Variants in BCR observed in about 807,000 individuals in gnomAD.
BCR encodes breakpoint cluster region protein.
BCR carries 58 observed loss-of-function variants against 138.6 expected under a neutral mutation model. The observed-to-expected ratio is 0.42, with a 90% CI of 0.34 to 0.52. The LOEUF (loss-of-function observed/expected upper bound fraction) is 0.52. BCR is among the 20% of genes least tolerant of loss of function. The pLI is 0.06. For synonymous variants in BCR, 786 were observed against 730.1 expected (o/e 1.08, Z -1.23); for missense variants, 1,599 against 1,727.2 (o/e 0.93, Z 1.32).
chr22:23,315,324 G>A, intron 22 of BCR, 109 bp from the exon 23 acceptor site: 2 of 976,618 alleles, frequency 2.0e-6, no homozygotes, highest in South Asian at 2.7e-5. Context: ...ACCAGCAGGG[G>A]TCCCCAGCAC....
At chr22:23,205,812 G>A (rs117684625) in intron 1 of BCR, among the ~76,000 whole-genome samples, 1,817 of 152,242 alleles carry the variant, frequency 0.012, 17 homozygotes, top group Non-Finnish European at 0.018. Context: ...ACTATAAAGA[G>A]CATTCTTAAG....
At chr22:23,233,822 AAAG>A (rs556188161) in intron 1 of BCR, among the ~76,000 whole-genome samples, 22 of 151,816 alleles carry the variant, frequency 1.4e-4, no homozygotes, top group Admixed American at 1.2e-3. Flanking sequence ...AGAAAAAAAA[AAAG>A]AAGAACATGG....
At chr22:23,272,774 C>G (rs1056197608) in intron 6 of BCR, among the ~76,000 whole-genome samples, 2 of 152,132 alleles carry the variant, frequency 1.3e-5, no homozygotes, top group African/African-American at 4.8e-5. Flanking sequence ...CCCGTCCTTG[C>G]CAGGGTGGGT....
Position 23,181,278 on chromosome 22 carries a change from C to A in BCR, c.318C>A (p.Asp106Glu). Residue 106 changes from aspartate (D) to glutamate (E), a missense_variant, in exon 1 of 23, where the codon GAC (aspartate) becomes GAA (glutamate). Asp to Glu is a conservative substitution (Grantham distance 45). Around this residue, in one of 4 missense-constraint regions of BCR, gnomAD observed 806 missense variants for 635.0 expected, o/e 1.27. Coordinates refer to ENST00000305877, the MANE Select transcript of BCR (RefSeq NM_004327.4). ...RPQPAPADGA[D>E]PPPAEEPEAR... ...AGCCAGCGCCCGCCGACGGAGCCGA[C>A]CCGCCGCCCGCCGAGGAGCCCGAGG... 2.3e-6 allele frequency: 3 copies of A among 1,293,760 alleles called. No homozygotes were observed. The highest frequency in any genetic ancestry group is 3.0e-6 in the Non-Finnish European group (3 of 1,015,052). The allele number at this position is 1,293,760 out of a possible 1,614,324, so 80.1% of individuals were successfully genotyped here. A position where few individuals can be genotyped will look rare whatever the true frequency, so the allele number is the denominator to read the frequency against.
At chr22:23,296,093 AG>A (rs1219473792) in intron 16 of BCR, among the ~76,000 whole-genome samples, 8 of 7,204 alleles carry the variant, frequency 1.1e-3, no homozygotes, top group Non-Finnish European at 1.7e-3. Flanking sequence ...ACCAAGTGCC[AG>A]GCTGGGCGTG....
Position 23,182,250 on chromosome 22 carries a change from C to G in BCR, c.1279+11C>G. On this transcript the variant is annotated intron_variant, in intron 1 of 22. Transcript: ENST00000305877. ...TCCATGGAGACGCAGGTGAGTTCCT[C>G]ACGCCACGTGCGTGGGCACACCTGC... The G allele has an allele frequency of 1.3e-6, 2 of 1,547,418 alleles. No homozygotes were observed. Among genetic ancestry groups the G allele is most frequent in the Non-Finnish European group, 1.7e-6 (2 of 1,148,828 alleles).
In BCR at chr22:23,315,247, C is replaced by T. The variant is rs56831589; in HGVS notation, c.3727-186C>T. On this transcript the variant is annotated intron_variant, in intron 22 of 22. Transcript: ENST00000305877. ...CATCTCTAAAATAAATAACCACCCC[C>T]CACCCAACAAGTCATGCCTTGTCAG... 6.1e-3 allele frequency among the ~76,000 whole-genome samples: 928 copies of T among 151,712 alleles called. 9 individuals are homozygous for T. Among genetic ancestry groups the T allele is most frequent in the African/African-American group, 0.014 (561 of 41,266 alleles).
At chr22:23,183,621 G>A (rs2072299160) in intron 1 of BCR, among the ~76,000 whole-genome samples, 3 of 152,248 alleles carry the variant, frequency 2.0e-5, no homozygotes, top group Admixed American at 6.5e-5. Flanking sequence ...GGGTCTGGAG[G>A]ATTGCCTTGT....
In BCR at chr22:23,242,577, C is replaced by T. The variant is rs2073105549; in HGVS notation, c.1280-11222C>T. Among the ~76,000 whole-genome samples the T allele has an allele frequency of 2.6e-5, 4 of 152,234 alleles. No homozygotes were observed. In the South Asian group the frequency reaches 8.3e-4, roughly 32 times the overall value. ...CCGGCAGCTGAGTCAGCCTGAATCCCTCCATGGGGCGTCTTTGCAGCTCCC... is the reference window on the plus strand; with the variant it reads ...CCGGCAGCTGAGTCAGCCTGAATCCTTCCATGGGGCGTCTTTGCAGCTCCC... On this transcript the variant is annotated intron_variant, in intron 1 of 22. Coordinates refer to ENST00000305877, the MANE Select transcript of BCR (RefSeq NM_004327.4).
At chr22:23,299,374 G>C (rs1322758284) in intron 16 of BCR, among the ~76,000 whole-genome samples, 1 of 152,148 alleles carries the variant, frequency 6.6e-6, no homozygotes, top group African/African-American at 2.4e-5. Context: ...TGCCCCCCAG[G>C]CACATCACAG....
intron 16 of BCR, among the ~76,000 whole-genome samples, chr22:23,298,437 G>C (rs1276573737): frequency 6.6e-6 from 1 of 152,208 alleles, no homozygotes; most frequent in Admixed American, 6.5e-5. Flanking sequence ...CCGTCAAGGA[G>C]AGTCTTTGTC....
At chr22:23,246,035 C>T (rs1368126116) in intron 1 of BCR, among the ~76,000 whole-genome samples, 1 of 152,148 alleles carries the variant, frequency 6.6e-6, no homozygotes, top group Non-Finnish European at 1.5e-5. Context: ...TCAATGGAGT[C>T]ATACAACATG....
chr22:23,206,342 A>T (rs1568932903), intron 1 of BCR, among the ~76,000 whole-genome samples: 1 of 152,194 alleles, frequency 6.6e-6, no homozygotes, highest in South Asian at 2.1e-4. Context: ...TGGGAGGCCA[A>T]GGTGGGCGGA....
At chr22:23,310,568 G>A (rs558788696) in intron 18 of BCR, 135 bp downstream of exon 18, 13,081 of 604,722 alleles carry the variant, frequency 0.022, 174 homozygotes, top group Non-Finnish European at 0.027. Flanking sequence ...CAGGGAACAC[G>A]GCGTCTTCAG....
chr22:23,295,147 C>T lies in BCR; in HGVS notation c.3004C>T (p.Gln1002Ter). The change falls in exon 16 of 23, where the codon CAG (glutamine) becomes TAG (stop). Residue 1002 changes from glutamine (Q) to a stop codon, truncating the protein, a stop_gained. Transcript: ENST00000305877. LOFTEE classifies it high-confidence loss of function. ...CACGGACAGACTCATGGGGAAGGGC[C>T]AGGTCCAGGTGAGGCAGCCATCCCT... is the stretch of plus-strand genomic sequence containing the variant. Reference protein sequence around the residue: ...ESTDRLMGKGQVQLDPQALQD... With the variant: ...ESTDRLMGKG 2 of 1,613,944 alleles carry T rather than the reference C, an allele frequency of 1.2e-6. No homozygotes were observed. Among genetic ancestry groups the T allele is most frequent in the Non-Finnish European group, 8.5e-7 (1 of 1,179,930 alleles).
intron 18 of BCR, 63 bp from the exon 19 acceptor site, chr22:23,311,634 G>C: frequency 7.0e-7 from 1 of 1,428,046 alleles, no homozygotes; most frequent in Non-Finnish European, 9.7e-7. Flanking sequence ...TATGGAGCAG[G>C]TCTCCTGTGT....
chr22:23,281,696 CTG>C (rs1276742699), intron 8 of BCR, among the ~76,000 whole-genome samples: 6 of 152,274 alleles, frequency 3.9e-5, no homozygotes, highest in Middle Eastern at 3.4e-3. Context: ...GTTGGGGAGT[CTG>C]TGGCAGCATC....
At chr22:23,263,360 C>G (rs2073395024) in intron 4 of BCR, 3 of 1,216,460 alleles carry the variant, frequency 2.5e-6, no homozygotes, top group Non-Finnish European at 3.6e-6. Flanking sequence ...CCTCGCTCAA[C>G]TCCGGCTTCA....
At chr22:23,258,382 G>A (rs754805895) in intron 2 of BCR, among the ~76,000 whole-genome samples, 2 of 152,184 alleles carry the variant, frequency 1.3e-5, no homozygotes, top group Non-Finnish European at 2.9e-5. Flanking sequence ...GGGCCGGAGG[G>A]CATTTGCCTG....
Sources: gnomAD v4.1 joint callset for allele counts (sites outside exome capture counted in the v4.1 genomes callset) on GRCh38, gnomAD v4.1.1 for gene constraint, gnomAD v4.1.1 regional missense constraint, MANE v1.5 for transcripts, NCBI Gene and HGNC (gene_info 2026-07-23, HGNC 2026-07-21) for gene names.